The following ASIC2 variants were observed in gnomAD, a reference collection of about 807,000 sequenced individuals.
ASIC2 encodes the protein acid-sensing ion channel 2.
ASIC2 carries 25 observed loss-of-function variants against 57.3 expected under a neutral mutation model. The ratio of observed to expected loss-of-function variants is 0.44; its 90% CI spans 0.32 to 0.61. The LOEUF (loss-of-function observed/expected upper bound fraction) is 0.61. Among genes scored for constraint, ASIC2 ranks in the 20% least tolerant of loss-of-function variants. The pLI is 0.06. For synonymous variants in ASIC2, 319 were observed against 307.5 expected (o/e 1.04, Z -0.39); for missense variants, 641 against 738.1 (o/e 0.87, Z 1.52).
intron 1 of ASIC2, among the ~76,000 whole-genome samples, chr17:33,251,655 T>C (rs1311068147): frequency 6.6e-6 from 1 of 152,186 alleles, no homozygotes; most frequent in African/African-American, 2.4e-5. Flanking sequence ...TTTATTTTAG[T>C]TAACTTTTAG....
chr17:33,113,855 A>C (rs1361909379), intron 1 of ASIC2, among the ~76,000 whole-genome samples: 3 of 152,228 alleles, frequency 2.0e-5, no homozygotes, highest in Admixed American at 1.3e-4. Context: ...TCAAATCTAC[A>C]TCTGTCTGAT....
chr17:33,054,387 T>A (rs545260224), intron 3 of ASIC2, among the ~76,000 whole-genome samples: 2 of 152,272 alleles, frequency 1.3e-5, no homozygotes, highest in East Asian at 3.9e-4. Context: ...AGTTTCCCCA[T>A]AGGTAAAATT....
intron 1 of ASIC2, among the ~76,000 whole-genome samples, chr17:33,761,130 T>C (rs961217729): frequency 6.6e-6 from 1 of 152,210 alleles, no homozygotes; most frequent in African/African-American, 2.4e-5. Context: ...GCTTTCTTTT[T>C]CTTTCTCCCT....
chr17:34,024,899 G>T (rs191691295), intron 1 of ASIC2, among the ~76,000 whole-genome samples: 4 of 152,180 alleles, frequency 2.6e-5, no homozygotes, highest in Non-Finnish European at 5.9e-5. Flanking sequence ...GCTGGGGAGT[G>T]GGGGAGTGTT....
At chr17:33,641,706 C>T (rs1302143250) in intron 1 of ASIC2, among the ~76,000 whole-genome samples, 2 of 152,150 alleles carry the variant, frequency 1.3e-5, no homozygotes, top group African/African-American at 2.4e-5. Context: ...CTTGAAGATA[C>T]CAAAACCTCA....
intron 1 of ASIC2, among the ~76,000 whole-genome samples, chr17:33,181,247 G>T (rs1905972895): frequency 6.6e-6 from 1 of 152,058 alleles, no homozygotes; most frequent in Non-Finnish European, 1.5e-5. Flanking sequence ...GTTTTGTTGT[G>T]TGTAAAATAA....
chr17:33,048,083 A>G (rs2091962249), intron 3 of ASIC2, among the ~76,000 whole-genome samples: 1 of 152,218 alleles, frequency 6.6e-6, no homozygotes, highest in South Asian at 2.1e-4. Context: ...AGAGGAAGAC[A>G]TAGCAGAGCT....
intron 1 of ASIC2, among the ~76,000 whole-genome samples, chr17:33,891,940 T>G (rs1033819942): frequency 1.3e-5 from 2 of 152,244 alleles, no homozygotes; most frequent in African/African-American, 2.4e-5. Flanking sequence ...CTCTATTTTT[T>G]CTTTACTTGG....
chr17:33,280,969 A>G (rs945815369), intron 1 of ASIC2, among the ~76,000 whole-genome samples: 2 of 152,222 alleles, frequency 1.3e-5, no homozygotes, highest in Non-Finnish European at 2.9e-5. Flanking sequence ...CAACTTTCAG[A>G]TCAGATATGC....
chr17:33,927,877 GC>G (rs1915855756), intron 1 of ASIC2, among the ~76,000 whole-genome samples: 1 of 152,162 alleles, frequency 6.6e-6, no homozygotes, highest in Non-Finnish European at 1.5e-5. Context: ...TTATGCATAA[GC>G]CATATCAAAT....
At chr17:34,035,308 T>C (rs1433129772) in intron 1 of ASIC2, among the ~76,000 whole-genome samples, 1 of 145,020 alleles carries the variant, frequency 6.9e-6, no homozygotes, top group South Asian at 2.2e-4. Flanking sequence ...GCTAGCCATA[T>C]GTGGAAAACT....
intron 1 of ASIC2, among the ~76,000 whole-genome samples, chr17:33,720,403 A>G (rs1909350550): frequency 6.6e-6 from 1 of 152,242 alleles, no homozygotes. Flanking sequence ...TTTTATTCAC[A>G]GACTACTTCT....
chr17:33,804,992 T>C (rs1912230817), intron 1 of ASIC2, among the ~76,000 whole-genome samples: 1 of 152,134 alleles, frequency 6.6e-6, no homozygotes, highest in African/African-American at 2.4e-5. Context: ...CCTGGTATCC[T>C]TAAAACTCCC....
intron 1 of ASIC2, among the ~76,000 whole-genome samples, chr17:33,984,992 A>G (rs1052638007): frequency 4.6e-5 from 7 of 152,374 alleles, no homozygotes; most frequent in South Asian, 4.1e-4. Flanking sequence ...AAAGGTGGAA[A>G]GAAAGTGGCA....
intron 1 of ASIC2, among the ~76,000 whole-genome samples, chr17:33,397,842 T>C (rs897840526): frequency 2.0e-5 from 3 of 152,272 alleles, no homozygotes; most frequent in Non-Finnish European, 2.9e-5. Context: ...TTCATGTTGA[T>C]TGAGATCCCA....
Position 33,168,005 on chromosome 17 carries a change from T to C in ASIC2, c.709-55938A>G, listed in dbSNP as rs150850467. ...CTATGAGGGCTCTGCCCTCATTAAA[T>C]GCAATAATGCCAATATTGCAGAATT... On this transcript the variant is annotated intron_variant, in intron 1 of 9. Coordinates refer to ENST00000225823, the MANE Select transcript of ASIC2 (RefSeq NM_183377.2). Among the ~76,000 whole-genome samples the C allele has an allele frequency of 5.7e-3, 861 of 152,358 alleles. 32 individuals carry two copies. The highest frequency in any genetic ancestry group is 0.053 in the Admixed American group (805 of 15,306).
At chr17:33,380,073 C>T (rs1909423892) in intron 1 of ASIC2, among the ~76,000 whole-genome samples, 1 of 151,392 alleles carries the variant, frequency 6.6e-6, no homozygotes, top group African/African-American at 2.4e-5. Flanking sequence ...TAGTGAAACC[C>T]CATCTCTAGT....
At chr17:33,462,001 C>A (rs969128590) in intron 1 of ASIC2, among the ~76,000 whole-genome samples, 1 of 152,198 alleles carries the variant, frequency 6.6e-6, no homozygotes, top group Non-Finnish European at 1.5e-5. Flanking sequence ...TGAAAAAACA[C>A]GTATTTGCTT....
At chr17:34,035,773 C>T (rs1254491366) in intron 1 of ASIC2, among the ~76,000 whole-genome samples, 10 of 152,234 alleles carry the variant, frequency 6.6e-5, no homozygotes, top group Non-Finnish European at 1.3e-4. Context: ...CCAAAACACA[C>T]GTGAAAAAAT....
Sources: allele counts gnomAD v4.1 joint callset (sites outside exome capture counted in the v4.1 genomes callset), GRCh38; gene constraint gnomAD v4.1.1; transcripts MANE v1.5; gene names NCBI Gene and HGNC (gene_info 2026-07-23, HGNC 2026-07-21).